Variants in STOML3 observed in about 807,000 individuals in gnomAD.
STOML3 encodes the protein stomatin-like protein 3.
In STOML3, 31 loss-of-function variants were observed where a neutral mutation model predicts 29.5. The observed-to-expected ratio is 1.05, with a 90% CI of 0.79 to 1.42. The LOEUF (loss-of-function observed/expected upper bound fraction) is 1.42. Ranked by LOEUF, STOML3 falls within the 40% of genes most tolerant of loss-of-function variation. The pLI, the probability that STOML3 is intolerant of heterozygous loss-of-function variation, is 0.00. For synonymous variants in STOML3, 122 were observed against 139.8 expected, an observed-to-expected ratio of 0.87 and a Z score of 0.90; for missense variants, 380 against 363.0, an observed-to-expected ratio of 1.05 and a Z score of -0.38.
intron 5 of STOML3, among the ~76,000 whole-genome samples, chr13:38,969,818 TATAGGCTACCTGA>T (rs1244607921): frequency 3.9e-5 from 6 of 152,220 alleles, no homozygotes; most frequent in African/African-American, 1.2e-4. Context: ...TATTTAAATA[TATAGGCTACCTGA>T]GAAATGGCTG....
At chr13:38,989,710 T>C (rs1183959218) in intron 1 of STOML3, among the ~76,000 whole-genome samples, 7 of 152,168 alleles carry the variant, frequency 4.6e-5, no homozygotes, top group Non-Finnish European at 8.8e-5. Context: ...TTGCCCAGGC[T>C]GGTCTCGAAC....
Position 38,966,477 on chromosome 13 carries a change from T to C in STOML3, c.*348A>G, listed in dbSNP as rs1372131210. Reference sequence around the variant, plus strand: ...TCTATAAATTATCTGGAGTGCTTTTTAAAACAATTAAAAAGTAATTCTGAA... The same window carrying C: ...TCTATAAATTATCTGGAGTGCTTTTCAAAACAATTAAAAAGTAATTCTGAA... On this transcript the variant is annotated 3_prime_UTR_variant, in exon 7 of 7. Coordinates refer to ENST00000379631, the MANE Select transcript of STOML3 (RefSeq NM_145286.3). The C allele has an allele frequency of 5.7e-6, 1 of 175,694 alleles. No homozygotes were observed. Among genetic ancestry groups the C allele is most frequent in the East Asian group, 1.5e-4 (1 of 6,554 alleles). The allele number at this position is 175,694 out of a possible 1,614,324, so 10.9% of individuals were successfully genotyped here.
At chr13:38,968,943 T>C (rs533654873) in intron 5 of STOML3, among the ~76,000 whole-genome samples, 13 of 152,280 alleles carry the variant, frequency 8.5e-5, no homozygotes, top group African/African-American at 3.1e-4. Flanking sequence ...CCATTTGCAG[T>C]TGTGAATCAT....
At chr13:38,986,046 T>G in intron 1 of STOML3, among the ~76,000 whole-genome samples, 1 of 148,300 alleles carries the variant, frequency 6.7e-6, no homozygotes, top group Non-Finnish European at 1.5e-5. Context: ...TTTTTTTTTT[T>G]TTTTTTTTTG....
intron 1 of STOML3, among the ~76,000 whole-genome samples, chr13:38,981,559 T>C (rs528833860): frequency 1.2e-4 from 19 of 152,334 alleles, no homozygotes; most frequent in African/African-American, 4.3e-4. Flanking sequence ...ATTAGATCAA[T>C]ACTACCTACA....
Position 38,966,762 on chromosome 13 carries a change from A to G in STOML3, c.*63T>C. ...GTTGGAATTCTCACCGTTTCTAACT[A>G]CTGGCTTCTCCATAGGAATAGACAC... On this transcript the variant is annotated 3_prime_UTR_variant, in exon 7 of 7. Coordinates refer to ENST00000379631, the MANE Select transcript of STOML3 (RefSeq NM_145286.3). 2 of 1,354,968 alleles carry G rather than the reference A, an allele frequency of 1.5e-6. No homozygotes were observed. Among genetic ancestry groups the G allele is most frequent in the Non-Finnish European group, 2.1e-6 (2 of 956,352 alleles). The allele number at this position is 1,354,968 out of a possible 1,614,324, so 83.9% of individuals were successfully genotyped here.
At chr13:38,978,414 A>G (rs1052494185) in intron 1 of STOML3, among the ~76,000 whole-genome samples, 1 of 152,080 alleles carries the variant, frequency 6.6e-6, no homozygotes, top group African/African-American at 2.4e-5. Context: ...TTGGCCTCCC[A>G]AAGTGCTGGG....
intron 1 of STOML3, among the ~76,000 whole-genome samples, chr13:38,985,144 C>G (rs1348195766): frequency 1.3e-5 from 2 of 152,122 alleles, no homozygotes; most frequent in Non-Finnish European, 2.9e-5. Context: ...GAAAATAGGG[C>G]AGGGCACGGT....
chr13:38,976,697 C>T lies in STOML3; in HGVS notation c.153G>A (p.Leu51=). The T allele has an allele frequency of 6.2e-7, 1 of 1,613,954 alleles. No individual in the cohort carries two copies. Among genetic ancestry groups the T allele is most frequent in the Non-Finnish European group, 8.5e-7 (1 of 1,179,936 alleles). The change falls in exon 2 of 7, where the codon TTG becomes TTA. Residue 51 remains leucine, a synonymous_variant. Coordinates refer to ENST00000379631, the MANE Select transcript of STOML3 (RefSeq NM_145286.3). ...AGTTTATTTCCCAGGGTGTTACCTT[C>T]AAGCACATCCATATGGAGATGGGGA... is the stretch of plus-strand genomic sequence containing the variant. ...ITFPISIWMC[L]KIIKEYERAV...
chr13:38,988,131 T>G (rs1868714278), intron 1 of STOML3, among the ~76,000 whole-genome samples: 1 of 100,684 alleles, frequency 9.9e-6, no homozygotes, highest in African/African-American at 4.2e-5. Flanking sequence ...ATATTATATT[T>G]TATATCATAT....
chr13:38,967,898 T>C (rs1880715010), intron 6 of STOML3, among the ~76,000 whole-genome samples: 1 of 152,202 alleles, frequency 6.6e-6, no homozygotes, highest in African/African-American at 2.4e-5. Context: ...ACTTACATTT[T>C]GTAATTCTTA....
In STOML3 at chr13:38,972,492, A is replaced by T. The variant is rs1880909156; in HGVS notation, c.312+20T>A. On this transcript the variant is annotated intron_variant, in intron 4 of 6. Coordinates refer to ENST00000379631, the MANE Select transcript of STOML3 (RefSeq NM_145286.3). ...AAATACAAGTTTAATTTCGAGTGAC[A>T]TATCCTTAATCAGTACTACCTCTTG... 6.2e-7 allele frequency: 1 copy of T among 1,605,670 alleles called. No homozygotes were observed. The highest frequency in any genetic ancestry group is 8.5e-7 in the Non-Finnish European group (1 of 1,174,444).
In STOML3 at chr13:38,976,678, T is replaced by TAGC. The variant is rs1881088995; in HGVS notation, c.156+15_156+16insGCT. On this transcript the variant is annotated intron_variant, in intron 2 of 6. Transcript: ENST00000379631. ...CAGTTCATATAGATAGCCCAGTTTA[T>TAGC]TTCCCAGGGTGTTACCTTCAAGCAC... 8 of 1,614,022 alleles carry TAGC rather than the reference T, an allele frequency of 5.0e-6. No homozygotes were observed. Among genetic ancestry groups the TAGC allele is most frequent in the Non-Finnish European group, 5.9e-6 (7 of 1,179,938 alleles).
intron 1 of STOML3, chr13:38,980,248 T>G: frequency 1.0e-6 from 1 of 960,376 alleles, no homozygotes; most frequent in Non-Finnish European, 1.5e-6. Context: ...GGGGTCTCAT[T>G]AGCTGCCAGT....
intron 5 of STOML3, 104 bp downstream of exon 5, chr13:38,970,081 C>G: frequency 3.9e-6 from 4 of 1,021,900 alleles, no homozygotes; most frequent in Non-Finnish European, 2.9e-6. Flanking sequence ...TGTGTGCAAG[C>G]ATGCATGTGG....
Position 38,972,587 on chromosome 13 carries a change from G to A in STOML3, c.237C>T (p.Ile79=), listed in dbSNP as rs1170298351. 1 of 1,613,680 alleles carries A rather than the reference G, an allele frequency of 6.2e-7. No homozygotes were observed. The highest frequency in any genetic ancestry group is 8.5e-7 in the Non-Finnish European group (1 of 1,179,870). ...QADKAKGPGL[I]LVLPCIDVFV... ...ACACATCTATGCATGGCAGGACCAG[G>A]ATCAAACCTATGAGAGAAAAAATCA... is the stretch of plus-strand genomic sequence containing the variant. Residue 79 remains isoleucine (I), a synonymous_variant, in exon 4 of 7, where the codon ATC becomes ATT. Coordinates refer to ENST00000379631, the MANE Select transcript of STOML3 (RefSeq NM_145286.3).
chr13:38,972,621 T>A lies in STOML3; in HGVS notation c.230-27A>T, dbSNP rs572294497. 15 of 1,603,864 alleles carry A rather than the reference T, an allele frequency of 9.4e-6. No homozygotes were observed. In the East Asian group the frequency reaches 3.1e-4, roughly 33 times the overall value. On this transcript the variant is annotated intron_variant, in intron 3 of 6. Coordinates refer to ENST00000379631, the MANE Select transcript of STOML3 (RefSeq NM_145286.3). Reference sequence around the variant, plus strand: ...TATGAGAGAAAAAATCAGTTTAAAATGTTGCTCTGTTGAAAATAACTACAA... The same window carrying A: ...TATGAGAGAAAAAATCAGTTTAAAAAGTTGCTCTGTTGAAAATAACTACAA...
intron 6 of STOML3, among the ~76,000 whole-genome samples, chr13:38,967,338 C>G (rs943875419): frequency 6.6e-6 from 1 of 152,148 alleles, no homozygotes; most frequent in African/African-American, 2.4e-5. Context: ...GGCATCTACC[C>G]TAATAATGCC....
At chr13:38,988,457 CATATATTTTATATATA>C (rs1332451953) in intron 1 of STOML3, among the ~76,000 whole-genome samples, 44 of 18,412 alleles carry the variant, frequency 2.4e-3, no homozygotes, top group African/African-American at 0.011. Flanking sequence ...TATTTTATAT[CATATATTTTATATATA>C]ATATATTTTA....
Sources: gnomAD v4.1 joint callset for allele counts (sites outside exome capture counted in the v4.1 genomes callset) on GRCh38, gnomAD v4.1.1 for gene constraint, MANE v1.5 for transcripts, NCBI Gene and HGNC (gene_info 2026-07-23, HGNC 2026-07-21) for gene names.